CYB5R4: variants seen among roughly 807,000 people sequenced by gnomAD.
The protein encoded by CYB5R4 is N-terminal cytochrome b5 and cytochrome b5 oxidoreductase domain-containing protein.
A neutral mutation model predicts 70.2 loss-of-function variants in CYB5R4; 55 were observed. The ratio of observed to expected loss-of-function variants is 0.78; its 90% CI spans 0.63 to 0.98. The LOEUF (loss-of-function observed/expected upper bound fraction) is 0.98, where lower values mean the gene tolerates loss of function less well. Ranked by LOEUF, CYB5R4 falls within the 50% of genes least tolerant of loss-of-function variation. The probability of loss-of-function intolerance (pLI) is 0.00; values close to 1 mark genes in which losing one functional copy is unlikely to be tolerated. For missense variants in CYB5R4, 562 were observed against 612.6 expected (o/e 0.92, Z 0.87); for synonymous variants, 197 against 199.5 (o/e 0.99, Z 0.11).
intron 4 of CYB5R4, among the ~76,000 whole-genome samples, chr6:83,912,155 A>G (rs1040477533): frequency 1.3e-5 from 2 of 151,896 alleles, no homozygotes; most frequent in Non-Finnish European, 1.5e-5. Context: ...AAGAAGAAGC[A>G]TCCTTATCAT....
intron 4 of CYB5R4, among the ~76,000 whole-genome samples, chr6:83,912,465 G>A (rs1255368681): frequency 3.3e-5 from 5 of 152,144 alleles, no homozygotes; most frequent in Admixed American, 2.6e-4. Flanking sequence ...CTCAGCAGAG[G>A]TAAACTAGAT....
chr6:83,942,325 G>A (rs2129143485), intron 14 of CYB5R4, among the ~76,000 whole-genome samples: 1 of 152,290 alleles, frequency 6.6e-6, no homozygotes, highest in East Asian at 1.9e-4. Context: ...CATGGAGGGC[G>A]AGCAGAAGCA....
chr6:83,901,017 T>G (rs1315283171), intron 3 of CYB5R4, among the ~76,000 whole-genome samples: 1 of 152,240 alleles, frequency 6.6e-6, no homozygotes, highest in East Asian at 1.9e-4. Context: ...AAATGTTAGC[T>G]AGTTACTTTG....
At chr6:83,948,294 A>C (rs1371768381) in intron 14 of CYB5R4, among the ~76,000 whole-genome samples, 1 of 152,178 alleles carries the variant, frequency 6.6e-6, no homozygotes, top group Non-Finnish European at 1.5e-5. Context: ...GCATGTTCTT[A>C]CTCATAAGTG....
At chr6:83,953,754 A>T (rs1300241730) in intron 14 of CYB5R4, among the ~76,000 whole-genome samples, 1 of 152,156 alleles carries the variant, frequency 6.6e-6, no homozygotes, top group East Asian at 1.9e-4. Flanking sequence ...GAAGGAGGCA[A>T]GTTGCTGAAG....
intron 2 of CYB5R4, among the ~76,000 whole-genome samples, chr6:83,883,183 C>G (rs1309730264): frequency 1.3e-5 from 2 of 151,744 alleles, no homozygotes; most frequent in African/African-American, 4.8e-5. Flanking sequence ...ATCTGAAGAA[C>G]AGAGAGGAAA....
chr6:83,920,943 A>T, intron 7 of CYB5R4, 139 bp from the exon 8 acceptor site: 3 of 564,316 alleles, frequency 5.3e-6, no homozygotes, highest in Non-Finnish European at 8.4e-6. Context: ...AGAGAAAAAC[A>T]GAAGTCACAT....
chr6:83,953,622 A>G (rs535198990), intron 14 of CYB5R4, among the ~76,000 whole-genome samples: 2 of 152,284 alleles, frequency 1.3e-5, no homozygotes, highest in South Asian at 4.1e-4. Context: ...TAATATGGCA[A>G]TGGTATATCA....
At chr6:83,945,484 C>G (rs541676966) in intron 14 of CYB5R4, among the ~76,000 whole-genome samples, 4 of 152,044 alleles carry the variant, frequency 2.6e-5, no homozygotes, top group African/African-American at 9.6e-5. Flanking sequence ...GATCTAAAAT[C>G]GACACCCTAA....
intron 14 of CYB5R4, among the ~76,000 whole-genome samples, chr6:83,950,829 CT>C (rs943490886): frequency 2.6e-5 from 4 of 151,956 alleles, no homozygotes; most frequent in Admixed American, 1.3e-4. Flanking sequence ...GCATACCTAC[CT>C]TTTTGTTTTG....
intron 15 of CYB5R4, among the ~76,000 whole-genome samples, chr6:83,957,690 G>A (rs1387426361): frequency 2.7e-5 from 4 of 149,772 alleles, no homozygotes; most frequent in Non-Finnish European, 1.5e-5. Flanking sequence ...TTTTACCTCA[G>A]AGCCAATCTT....
chr6:83,956,994 C>T, intron 15 of CYB5R4, among the ~76,000 whole-genome samples: 1 of 150,970 alleles, frequency 6.6e-6, no homozygotes, highest in Non-Finnish European at 1.5e-5. Context: ...AAAGATTGAC[C>T]CCCCAATCAA....
At chr6:83,926,259 A>C (rs1276925567) in intron 10 of CYB5R4, 1 of 152,188 alleles carries the variant, frequency 6.6e-6, no homozygotes, top group Non-Finnish European at 1.5e-5. Flanking sequence ...TAGAGTGAAC[A>C]ATCTCCTACC....
intron 2 of CYB5R4, among the ~76,000 whole-genome samples, chr6:83,873,235 CTTT>C (rs927399068): frequency 1.0e-5 from 1 of 99,806 alleles, no homozygotes; most frequent in Non-Finnish European, 1.9e-5. Context: ...GGGTATCCTT[CTTT>C]TTTTTTTTTT....
Position 83,923,337 on chromosome 6 carries a change from A to G in CYB5R4, c.691+867A>G, listed in dbSNP as rs534647831. On this transcript the variant is annotated intron_variant, in intron 9 of 15. Coordinates refer to ENST00000369681, the MANE Select transcript of CYB5R4 (RefSeq NM_016230.4). ...TGGTCCAATGTTTCCTCTTTTCCGT[A>G]TATCATTATAGGCTCTGTAAATTGT... is the stretch of plus-strand genomic sequence containing the variant. 9.2e-5 allele frequency among the ~76,000 whole-genome samples: 14 copies of G among 152,234 alleles called. No homozygotes were observed. The South Asian group carries it at 2.9e-3, about 32-fold the overall frequency.
At chr6:83,885,632 A>G (rs1001082956) in intron 2 of CYB5R4, among the ~76,000 whole-genome samples, 1 of 152,200 alleles carries the variant, frequency 6.6e-6, no homozygotes, top group Non-Finnish European at 1.5e-5. Context: ...ACCCTATCAT[A>G]TAGAGCTGGG....
At chr6:83,898,830 G>C (rs894911164) in intron 3 of CYB5R4, among the ~76,000 whole-genome samples, 1 of 152,156 alleles carries the variant, frequency 6.6e-6, no homozygotes, top group Non-Finnish European at 1.5e-5. Flanking sequence ...CTGAGACTTT[G>C]CTGAAGTTGC....
chr6:83,947,344 C>T (rs917782686), intron 14 of CYB5R4, among the ~76,000 whole-genome samples: 5 of 152,050 alleles, frequency 3.3e-5, no homozygotes, highest in African/African-American at 1.2e-4. Context: ...TGGGAAAAGT[C>T]ACTAGCCATA....
chr6:83,955,323 G>C lies in CYB5R4; in HGVS notation c.1372G>C (p.Ala458Pro). Residue 458 changes from alanine (A) to proline (P), a missense_variant, in exon 15 of 16, where the codon GCA becomes CCA. Ala to Pro is a conservative substitution (Grantham distance 27). Transcript: ENST00000369681. Reference sequence around the variant, plus strand: ...ACTGGATGTTGAATTTGTTCTCTCAGCACCTATTTCTGAATGGAATGGCAA... The same window carrying C: ...ACTGGATGTTGAATTTGTTCTCTCACCACCTATTTCTGAATGGAATGGCAA... The part of the protein sequence containing the change: ...KRLDVEFVLS[A>P]PISEWNGKQG... The C allele has an allele frequency of 6.2e-7, 1 of 1,613,326 alleles. No homozygotes were observed. Among genetic ancestry groups the C allele is most frequent in the South Asian group, 1.1e-5 (1 of 90,996 alleles).
Sources: allele counts gnomAD v4.1 joint callset (sites outside exome capture counted in the v4.1 genomes callset), GRCh38; gene constraint gnomAD v4.1.1; transcripts MANE v1.5; gene names NCBI Gene and HGNC (gene_info 2026-07-23, HGNC 2026-07-21).